Variants in HSD17B12 observed in about 807,000 individuals in gnomAD.
HSD17B12 encodes the protein hydroxysteroid 17-beta dehydrogenase 12, also known as very-long-chain 3-oxoacyl-CoA reductase.
In HSD17B12, 32 loss-of-function variants were observed where a neutral mutation model predicts 39.3. That is an observed-to-expected ratio of 0.81 (90% CI 0.61 to 1.09). The LOEUF (loss-of-function observed/expected upper bound fraction) is 1.09, where lower values mean the gene tolerates loss of function less well. Among genes scored for constraint, HSD17B12 ranks in the 50% least tolerant of loss-of-function variants. The pLI, the probability that HSD17B12 is intolerant of heterozygous loss-of-function variation, is 0.00. For synonymous variants in HSD17B12, 150 were observed against 146.7 expected (o/e 1.02, Z -0.16); for missense variants, 342 against 382.9 (o/e 0.89, Z 0.89).
intron 3 of HSD17B12, among the ~76,000 whole-genome samples, chr11:43,780,318 A>C (rs536501927): frequency 6.6e-6 from 1 of 151,880 alleles, no homozygotes; most frequent in Non-Finnish European, 1.5e-5. Flanking sequence ...GGCACCCACC[A>C]CCATGCCAGG....
intron 1 of HSD17B12, chr11:43,733,769 A>T: frequency 1.5e-6 from 1 of 674,108 alleles, no homozygotes; most frequent in Non-Finnish European, 2.7e-6. Context: ...TTGGCTGCCA[A>T]AGTGTTTGAG....
chr11:43,574,038 G>A, the HSD17B12 span, among the ~76,000 whole-genome samples: 3 of 152,198 alleles, frequency 2.0e-5, no homozygotes, highest in Non-Finnish European at 2.9e-5. Context: ...ATGCATGCAT[G>A]TATGCAATCG....
At chr11:43,587,038 C>T in the HSD17B12 span, among the ~76,000 whole-genome samples, 1 of 152,120 alleles carries the variant, frequency 6.6e-6, no homozygotes, top group African/African-American at 2.4e-5. Context: ...AGCTGACAAG[C>T]GGTGGAAAGA....
At chr11:43,717,985 A>G (rs1471655854) in intron 1 of HSD17B12, among the ~76,000 whole-genome samples, 3 of 151,780 alleles carry the variant, frequency 2.0e-5, no homozygotes, top group Non-Finnish European at 4.4e-5. Flanking sequence ...TTATATTTTT[A>G]GTAGAGATGG....
chr11:43,673,905 T>A, the HSD17B12 span, among the ~76,000 whole-genome samples: 2 of 152,190 alleles, frequency 1.3e-5, no homozygotes, highest in Non-Finnish European at 2.9e-5. Context: ...TTCTTCCACT[T>A]ACTAGCTTTA....
At position 43,856,190 on chromosome 11, in the gene HSD17B12, A is replaced by G. The variant is rs545624373; in HGVS notation, c.*942A>G. On this transcript the variant is annotated 3_prime_UTR_variant, in exon 11 of 11. Coordinates refer to ENST00000278353, the MANE Select transcript of HSD17B12 (RefSeq NM_016142.3). ...AGTTTTAATAAAACATGCTGCAACC[A>G]TGGTATACAACAAAAATACATTTCT... is the stretch of plus-strand genomic sequence containing the variant. 8 of 152,368 alleles carry G rather than the reference A, an allele frequency of 5.3e-5. No individual in the cohort carries two copies. In the East Asian group the frequency reaches 1.5e-3, roughly 29 times the overall value. 9.4% of individuals were successfully genotyped at this position (152,368 alleles called of 1,614,324 possible). A position where few individuals can be genotyped will look rare whatever the true frequency, so the allele number is the denominator to read the frequency against.
At chr11:43,670,694 C>G in the HSD17B12 span, among the ~76,000 whole-genome samples, 1 of 151,978 alleles carries the variant, frequency 6.6e-6, no homozygotes, top group African/African-American at 2.4e-5. Flanking sequence ...AGTTGGAGAC[C>G]AGCCTAGGCG....
In HSD17B12 at chr11:43,816,342, T is replaced by C. The variant is rs752123916; in HGVS notation, c.457-5T>C. The C allele has an allele frequency of 9.3e-5, 139 of 1,496,812 alleles. No individual in the cohort carries two copies. Among genetic ancestry groups the C allele is most frequent in the Non-Finnish European group, 1.1e-4 (126 of 1,104,268 alleles). 92.7% of individuals were successfully genotyped at this position (1,496,812 alleles called of 1,614,324 possible). A position where few individuals can be genotyped will look rare whatever the true frequency, so the allele number is the denominator to read the frequency against. ...GTATATAAAATTCTCAATATTTTTT[T>C]GCAGGTGATCAAGAAAATGATAAAT... On this transcript the variant is annotated splice_region_variant and splice_polypyrimidine_tract_variant and intron_variant, in intron 5 of 10. Transcript: ENST00000278353.
the HSD17B12 span, among the ~76,000 whole-genome samples, chr11:43,600,079 C>T: frequency 4.6e-5 from 7 of 151,828 alleles, no homozygotes; most frequent in Non-Finnish European, 8.8e-5. Flanking sequence ...TTCCCACCTC[C>T]ATTTCCCTCA....
the HSD17B12 span, chr11:43,579,521 G>C: frequency 8.5e-5 from 13 of 152,312 alleles, no homozygotes; most frequent in Non-Finnish European, 1.0e-4. Flanking sequence ...ACCGAGGTAA[G>C]GAGCAGGGAG....
At chr11:43,590,506 A>ATTTTTTTTTTT in the HSD17B12 span, among the ~76,000 whole-genome samples, 304 of 51,596 alleles carry the variant, frequency 5.9e-3, 46 homozygotes, top group African/African-American at 0.016. Flanking sequence ...GGAGTGAGTG[A>ATTTTTTTTTTT]TTTTTTTTTT....
chr11:43,828,033 T>C (rs1951264590), intron 6 of HSD17B12, among the ~76,000 whole-genome samples: 2 of 152,228 alleles, frequency 1.3e-5, no homozygotes, highest in South Asian at 4.1e-4. Context: ...AATGATACTG[T>C]CACTGAAAAT....
the HSD17B12 span, among the ~76,000 whole-genome samples, chr11:43,632,691 C>T: frequency 6.1e-3 from 926 of 152,130 alleles, 14 homozygotes; most frequent in African/African-American, 0.021. Flanking sequence ...CTTTTTAGCC[C>T]CATTTTTGGA....
chr11:43,820,499 A>T lies in HSD17B12; in HGVS notation c.501+4108A>T, dbSNP rs115915136. 9.3e-3 allele frequency among the ~76,000 whole-genome samples: 1,410 copies of T among 152,276 alleles called. 16 individuals are homozygous for T. The highest frequency in any genetic ancestry group is 0.033 in the African/African-American group (1,378 of 41,566). Reference sequence around the variant, plus strand: ...GGCCAGGGCCACATTTTCAGTAGCAATGGCTGTTTGGAGCCCTGGGGTAAC... The same window carrying T: ...GGCCAGGGCCACATTTTCAGTAGCATTGGCTGTTTGGAGCCCTGGGGTAAC... On this transcript the variant is annotated intron_variant, in intron 6 of 10. Transcript: ENST00000278353.
chr11:43,796,339 C>A (rs896746649), intron 3 of HSD17B12, among the ~76,000 whole-genome samples: 2 of 151,700 alleles, frequency 1.3e-5, no homozygotes, highest in Non-Finnish European at 2.9e-5. Flanking sequence ...GCTTGAGACC[C>A]CATCTCTTAA....
the HSD17B12 span, among the ~76,000 whole-genome samples, chr11:43,604,962 T>C: frequency 6.6e-6 from 1 of 152,190 alleles, no homozygotes; most frequent in Non-Finnish European, 1.5e-5. Flanking sequence ...ACAGGCTTCC[T>C]AGAGTTAGAG....
chr11:43,833,983 T>C (rs1051389516), intron 7 of HSD17B12: 2 of 152,206 alleles, frequency 1.3e-5, no homozygotes, highest in African/African-American at 2.4e-5. Context: ...ATAACAACCA[T>C]GGGAAAGCTA....
chr11:43,662,922 C>T, the HSD17B12 span, among the ~76,000 whole-genome samples: 1 of 152,120 alleles, frequency 6.6e-6, no homozygotes, highest in South Asian at 2.1e-4. Context: ...AAATTTTCAT[C>T]TCATGATTAA....
At chr11:43,588,999 A>G in the HSD17B12 span, among the ~76,000 whole-genome samples, 1 of 150,024 alleles carries the variant, frequency 6.7e-6, no homozygotes, top group Non-Finnish European at 1.5e-5. Flanking sequence ...TATTATTATT[A>G]TTATTATTTT....
Sources: gnomAD v4.1 joint callset for allele counts (sites outside exome capture counted in the v4.1 genomes callset) on GRCh38, gnomAD v4.1.1 for gene constraint, MANE v1.5 for transcripts, NCBI Gene and HGNC (gene_info 2026-07-23, HGNC 2026-07-21) for gene names.